Variants in KATNA1 observed in about 807,000 individuals in gnomAD.
KATNA1 encodes the protein katanin p60 ATPase-containing subunit A1.
In KATNA1, 42 loss-of-function variants were observed where a neutral mutation model predicts 62.6. The ratio of observed to expected loss-of-function variants is 0.67; its 90% confidence interval spans 0.52 to 0.87. The LOEUF (loss-of-function observed/expected upper bound fraction) is 0.87. Ranked by LOEUF, KATNA1 falls within the 40% of genes least tolerant of loss-of-function variation. KATNA1 has a pLI of 0.00. For missense variants in KATNA1, 498 were observed against 612.5 expected, an observed-to-expected ratio of 0.81 and a Z score of 1.97; for synonymous variants, 186 against 201.9, an observed-to-expected ratio of 0.92 and a Z score of 0.67.
chr6:149,623,284 C>G lies in KATNA1; in HGVS notation c.321-1G>C. On this transcript the variant is annotated splice_acceptor_variant, in intron 3 of 10. Transcript: ENST00000367411. LOFTEE classifies it high-confidence loss of function. Reference sequence around the variant, plus strand: ...GCGTTTTCTAGGTCCTGGTGAGGGTCTAATCAAACAAAAACTCATTAATAT... The same window carrying G: ...GCGTTTTCTAGGTCCTGGTGAGGGTGTAATCAAACAAAAACTCATTAATAT... 6.3e-7 allele frequency: 1 copy of G among 1,582,374 alleles called. No individual in the cohort carries two copies. Among genetic ancestry groups the G allele is most frequent in the Non-Finnish European group, 8.5e-7 (1 of 1,169,804 alleles).
chr6:149,597,142 A>G lies in KATNA1; in HGVS notation c.1198T>C (p.Leu400=), dbSNP rs779545093. The change falls in exon 10 of 11, where the codon TTG becomes CTG. Residue 400 remains leucine, a synonymous_variant. Transcript: ENST00000367411. ...LLRISLRELE[L]ADDVDLASIA... ...CTTGCAAGGTCAACATCATCAGCCAATTCCAACTCACGTAGACTTATTCGT... is the reference window on the plus strand; with the variant it reads ...CTTGCAAGGTCAACATCATCAGCCAGTTCCAACTCACGTAGACTTATTCGT... The G allele has an allele frequency of 1.2e-5, 20 of 1,614,170 alleles. No homozygotes were observed. Among genetic ancestry groups the G allele is most frequent in the Non-Finnish European group, 1.7e-5 (20 of 1,180,016 alleles).
intron 4 of KATNA1, among the ~76,000 whole-genome samples, chr6:149,616,192 C>T (rs1779161247): frequency 6.6e-6 from 1 of 152,120 alleles, no homozygotes; most frequent in Non-Finnish European, 1.5e-5. Flanking sequence ...CTGCACCGTA[C>T]ACTTAAAAAC....
chr6:149,630,240 C>A (rs1230360643), intron 3 of KATNA1, among the ~76,000 whole-genome samples: 1 of 152,116 alleles, frequency 6.6e-6, no homozygotes, highest in Non-Finnish European at 1.5e-5. Context: ...TGTGAAAGTG[C>A]GTATGAGGCA....
intron 1 of KATNA1, among the ~76,000 whole-genome samples, chr6:149,647,703 G>A (rs1780544140): frequency 6.6e-6 from 1 of 152,040 alleles, no homozygotes; most frequent in African/African-American, 2.4e-5. Context: ...TAAAACATCG[G>A]GAATGTTTTC....
intron 2 of KATNA1, among the ~76,000 whole-genome samples, chr6:149,634,275 A>AAAAATAAAATAAAATGAAATAAAAT (rs1779976454): frequency 7.5e-6 from 1 of 133,962 alleles, no homozygotes; most frequent in African/African-American, 3.1e-5. Context: ...TCCATCTCAA[A>AAAAATAAAATAAAATGAAATAAAAT]AAAATAAAAT....
At chr6:149,622,011 G>C (rs536590815) in intron 4 of KATNA1, among the ~76,000 whole-genome samples, 1 of 152,156 alleles carries the variant, frequency 6.6e-6, no homozygotes, top group Admixed American at 6.5e-5. Flanking sequence ...GGGACAGAAG[G>C]GGGGAAATCT....
At chr6:149,645,846 T>C (rs981454118) in intron 1 of KATNA1, among the ~76,000 whole-genome samples, 1 of 152,102 alleles carries the variant, frequency 6.6e-6, no homozygotes, top group Non-Finnish European at 1.5e-5. Context: ...ATATAGTATG[T>C]GATGCAGTGC....
chr6:149,637,741 T>C (rs938301036), intron 2 of KATNA1, among the ~76,000 whole-genome samples: 1 of 151,452 alleles, frequency 6.6e-6, no homozygotes, highest in Non-Finnish European at 1.5e-5. Flanking sequence ...ACCTGGGAGG[T>C]GAAGGTTGCA....
chr6:149,634,429 G>T (rs190863209), intron 2 of KATNA1, among the ~76,000 whole-genome samples: 236 of 152,192 alleles, frequency 1.6e-3, no homozygotes, highest in African/African-American at 4.3e-3. Context: ...AGAGGCTGAG[G>T]TGAGAGAATT....
chr6:149,635,811 C>T (rs1280009626), intron 2 of KATNA1, among the ~76,000 whole-genome samples: 1 of 151,868 alleles, frequency 6.6e-6, no homozygotes, highest in African/African-American at 2.4e-5. Context: ...AATCCCAGCA[C>T]TTTGGGAGGC....
intron 1 of KATNA1, among the ~76,000 whole-genome samples, chr6:149,645,972 T>C (rs915701105): frequency 6.6e-6 from 1 of 152,142 alleles, no homozygotes; most frequent in Non-Finnish European, 1.5e-5. Flanking sequence ...CTAAGATTCT[T>C]ATTCTCTCTC....
Position 149,648,597 on chromosome 6 carries a change from C to A in KATNA1, c.-142G>T. ...CCCACTTTGCTCTCCGCTCACGGCC[C>A]CAGTACTGCCCAGTTCAATCGTCAA... On this transcript the variant is annotated 5_prime_UTR_variant, in exon 1 of 11. Coordinates refer to ENST00000367411, the MANE Select transcript of KATNA1 (RefSeq NM_007044.4). 6.6e-6 allele frequency: 1 copy of A among 152,394 alleles called. No homozygotes were observed. The highest frequency in any genetic ancestry group is 2.1e-4 in the South Asian group (1 of 4,830). The allele number at this position is 152,394 out of a possible 1,614,324, so 9.4% of individuals were successfully genotyped here. A position where few individuals can be genotyped will look rare whatever the true frequency, so the allele number is the denominator to read the frequency against.
chr6:149,616,578 G>A (rs911256211), intron 4 of KATNA1, among the ~76,000 whole-genome samples: 13 of 152,144 alleles, frequency 8.5e-5, no homozygotes, highest in African/African-American at 3.1e-4. Context: ...TGGCCAACAT[G>A]GTGAAACCCC....
intron 1 of KATNA1, among the ~76,000 whole-genome samples, chr6:149,641,510 C>T (rs553206868): frequency 3.4e-4 from 52 of 151,994 alleles, no homozygotes; most frequent in Non-Finnish European, 6.5e-4. Flanking sequence ...AACTTCTAAA[C>T]AGAAATAATT....
chr6:149,598,328 G>A lies in KATNA1; in HGVS notation c.911C>T (p.Thr304Ile), dbSNP rs1778405582. 6.2e-7 allele frequency: 1 copy of A among 1,613,840 alleles called. No individual in the cohort carries two copies. The highest frequency in any genetic ancestry group is 8.5e-7 in the Non-Finnish European group (1 of 1,179,872). ...GGAGTCTATCTCATCAATAAATATGGTGGCTGGAGAATAAAATCGAGCCTA... is the reference window on the plus strand; with the variant it reads ...GGAGTCTATCTCATCAATAAATATGATGGCTGGAGAATAAAATCGAGCCTA... ...FEMARFYSPATIFIDEIDSIC... is the reference protein window; with the variant it reads ...FEMARFYSPAIIFIDEIDSIC... Residue 304 changes from threonine (T) to isoleucine (I), a missense_variant, in exon 8 of 11, where the codon ACC (threonine) becomes ATC (isoleucine). By Grantham distance (89) the Thr-to-Ile change is moderately conservative (BLOSUM62 -1). Transcript: ENST00000367411.
chr6:149,648,440 C>G (rs1024492101), intron 1 of KATNA1, 29 bp downstream of exon 1: 4 of 152,326 alleles, frequency 2.6e-5, no homozygotes, highest in Non-Finnish European at 5.9e-5. Flanking sequence ...ATCGGGGGTC[C>G]CCAGAGCACC....
At chr6:149,603,411 G>T (rs777408926) in intron 5 of KATNA1, 38 bp from the exon 6 acceptor site, 3 of 965,716 alleles carry the variant, frequency 3.1e-6, no homozygotes, top group Admixed American at 3.7e-5. Flanking sequence ...CCCTTTAGAT[G>T]ATACATGTCT....
intron 4 of KATNA1, among the ~76,000 whole-genome samples, chr6:149,607,387 G>C (rs921725294): frequency 6.6e-6 from 1 of 152,140 alleles, no homozygotes; most frequent in Non-Finnish European, 1.5e-5. Context: ...TGAGGGGGGT[G>C]GATCAGTTGA....
At chr6:149,624,881 A>G (rs1194143391) in intron 3 of KATNA1, among the ~76,000 whole-genome samples, 1 of 150,936 alleles carries the variant, frequency 6.6e-6, no homozygotes, top group Admixed American at 6.7e-5. Flanking sequence ...GATGGTGTGA[A>G]ACAGACCTAG....
Sources: allele counts gnomAD v4.1 joint callset (sites outside exome capture counted in the v4.1 genomes callset), GRCh38; gene constraint gnomAD v4.1.1; transcripts MANE v1.5; gene names NCBI Gene and HGNC (gene_info 2026-07-23, HGNC 2026-07-21).